ERCC6L: variants seen among roughly 807,000 people sequenced by gnomAD.
ERCC6L encodes DNA excision repair protein ERCC-6-like.
A neutral mutation model predicts 20.1 loss-of-function variants in ERCC6L; 7 were observed. The ratio of observed to expected loss-of-function variants is 0.35; its 90% CI spans 0.20 to 0.65. ERCC6L has a LOEUF of 0.65. Among genes scored for constraint, ERCC6L ranks in the 30% least tolerant of loss-of-function variants. The pLI is 0.69. For synonymous variants in ERCC6L, 278 were observed against 331.3 expected (o/e 0.84, Z 1.75); for missense variants, 592 against 892.4 (o/e 0.66, Z 4.29).
At chrX:72,216,928 T>C (rs1453436165) in intron 1 of ERCC6L, among the ~76,000 whole-genome samples, 1 of 112,332 alleles carries the variant, frequency 8.9e-6, no homozygotes. Flanking sequence ...TCAGTCAGGA[T>C]GTTAGCCACC....
chrX:72,219,996 AT>A (rs980783322), intron 1 of ERCC6L, among the ~76,000 whole-genome samples: 14 of 111,485 alleles, frequency 1.3e-4, no homozygotes, highest in Non-Finnish European at 9.4e-5. Flanking sequence ...TAGCTATGGG[AT>A]TTTTGTAGAT....
intron 1 of ERCC6L, among the ~76,000 whole-genome samples, chrX:72,228,110 T>C (rs1239260891): frequency 8.9e-6 from 1 of 112,034 alleles, no homozygotes; most frequent in African/African-American, 3.2e-5. Context: ...TCGGGACAAA[T>C]ACAGAATGTG....
intron 1 of ERCC6L, among the ~76,000 whole-genome samples, chrX:72,215,001 A>G (rs996061783): frequency 1.8e-5 from 2 of 111,805 alleles, no homozygotes; most frequent in African/African-American, 6.5e-5. Context: ...CAAACAAACA[A>G]ACAAAAAAAC....
At position 72,207,084 on chromosome X, in the gene ERCC6L, T is replaced by G; in HGVS notation, c.1683A>C (p.Ala561=). ...CTCTATCCACAGCTTGAGCATCAGT[T>G]GCAGGATTCCAGCTAGGGTCAAAAA... is the stretch of plus-strand genomic sequence containing the variant. The part of the protein sequence containing the change: ...VVIFDPSWNP[A]TDAQAVDRVY... Residue 561 remains alanine (A), a synonymous_variant, in exon 2 of 2, where the codon GCA becomes GCC. Transcript: ENST00000334463. 8.3e-7 allele frequency: 1 copy of G among 1,212,071 alleles called. No individual in the cohort carries two copies. Among genetic ancestry groups the G allele is most frequent in the Non-Finnish European group, 1.1e-6 (1 of 895,622 alleles).
At chrX:72,210,199 TAAAA>T (rs1406489422) in intron 1 of ERCC6L, among the ~76,000 whole-genome samples, 79 of 77,784 alleles carry the variant, frequency 1.0e-3, no homozygotes, top group South Asian at 6.8e-3. Context: ...GACTGTCTCT[TAAAA>T]AATAAATAAA....
chrX:72,218,237 TC>T, intron 1 of ERCC6L, among the ~76,000 whole-genome samples: 1 of 101,340 alleles, frequency 9.9e-6, no homozygotes, highest in East Asian at 3.2e-4. Flanking sequence ...ACCACTGCAC[TC>T]CAGCCTGGGC....
Position 72,206,621 on chromosome X carries a change from C to G in ERCC6L, c.2146G>C (p.Glu716Gln). ...FLVEFESQNK[E>Q]FLMEQQRTRN... Reference sequence around the variant, plus strand: ...GTTCTTTGTTGTTCCATCAGGAACTCTTTATTTTGAGACTCGAATTCAACG... The same window carrying G: ...GTTCTTTGTTGTTCCATCAGGAACTGTTTATTTTGAGACTCGAATTCAACG... Residue 716 changes from glutamate (E) to glutamine (Q), a missense_variant, in exon 2 of 2, where the codon GAG (glutamate) becomes CAG (glutamine). Around this residue, in one of 3 missense-constraint regions of ERCC6L, gnomAD observed 352 missense variants for 402.6 expected, o/e 0.87. Transcript: ENST00000334463. The G allele has an allele frequency of 2.5e-6, 3 of 1,211,283 alleles. No homozygotes were observed. Among genetic ancestry groups the G allele is most frequent in the Non-Finnish European group, 1.1e-6 (1 of 895,425 alleles).
rs200143714 is a variant in ERCC6L, at chrX:72,208,083, A to T, written c.684T>A (p.Asp228Glu). The stretch of plus-strand genomic sequence containing the variant: ...ATGAGGTTTTTATTTTATGTGCTTC[A>T]TCGAGGATGACATAGTCCCACACAA... ...QEFVWDYVIL[D>E]EAHKIKTSST... Residue 228 changes from aspartate (D) to glutamate (E), a missense_variant, in exon 2 of 2, where the codon GAT becomes GAA. Physicochemically the swap from Asp to Glu is conservative, Grantham distance 45. Around this residue, in one of 3 missense-constraint regions of ERCC6L, gnomAD observed 196 missense variants for 440.1 expected, o/e 0.45. Coordinates refer to ENST00000334463, the MANE Select transcript of ERCC6L (RefSeq NM_017669.4). 3 of 1,210,051 alleles carry T rather than the reference A, an allele frequency of 2.5e-6. No individual in the cohort carries two copies. The African/African-American group carries it at 5.2e-5, about 21-fold the overall frequency.
At chrX:72,229,802 G>A (rs1476948881) in intron 1 of ERCC6L, among the ~76,000 whole-genome samples, 1 of 111,757 alleles carries the variant, frequency 8.9e-6, no homozygotes. Flanking sequence ...GACTTGGATT[G>A]AGAGCAAGCA....
At chrX:72,226,663 C>T in intron 1 of ERCC6L, among the ~76,000 whole-genome samples, 1 of 111,044 alleles carries the variant, frequency 9.0e-6, no homozygotes, top group East Asian at 2.8e-4. Context: ...AATAGGAAAC[C>T]GTGAGGCTGA....
intron 1 of ERCC6L, among the ~76,000 whole-genome samples, chrX:72,210,451 C>T (rs772356163): frequency 6.3e-5 from 7 of 111,029 alleles, no homozygotes; most frequent in Admixed American, 1.9e-4. Context: ...CTTTGGAAAG[C>T]GGTCTTGATC....
At chrX:72,227,449 C>T (rs1437323026) in intron 1 of ERCC6L, among the ~76,000 whole-genome samples, 1 of 111,925 alleles carries the variant, frequency 8.9e-6, no homozygotes, top group Admixed American at 9.5e-5. Context: ...TTGCCTTTGG[C>T]CCTTCTAAAA....
rs375039338 is a variant in ERCC6L at position 72,238,882 on chromosome X, G to A, written c.30C>T (p.Ala10=). 6.6e-5 allele frequency: 79 copies of A among 1,196,100 alleles called. No individual in the cohort carries two copies. The East Asian group carries it at 2.2e-3, about 33-fold the overall frequency. MEASRRFPE[A]EALSPEQAAH... is the part of the protein sequence containing the mutation. ...CAGCCTGCTCTGGGCTCAAGGCCTCGGCTTCCGGAAACCTTCGGGATGCCT... is the reference window on the plus strand; with the variant it reads ...CAGCCTGCTCTGGGCTCAAGGCCTCAGCTTCCGGAAACCTTCGGGATGCCT... The change falls in exon 1 of 2, where the codon GCC becomes GCT. Residue 10 remains alanine, a synonymous_variant. Transcript: ENST00000334463.
At chrX:72,238,497 G>C (rs1481936991) in intron 1 of ERCC6L, among the ~76,000 whole-genome samples, 1 of 111,881 alleles carries the variant, frequency 8.9e-6, no homozygotes, top group Non-Finnish European at 1.9e-5. Flanking sequence ...CAAACAATTT[G>C]GGGGCGGGGA....
At chrX:72,210,206 T>A (rs1275531608) in intron 1 of ERCC6L, among the ~76,000 whole-genome samples, 6 of 66,318 alleles carry the variant, frequency 9.0e-5, no homozygotes, top group African/African-American at 2.6e-4. Context: ...TCTTAAAAAA[T>A]AAATAAATAA....
At chrX:72,233,811 G>A (rs926924802) in intron 1 of ERCC6L, among the ~76,000 whole-genome samples, 1 of 108,787 alleles carries the variant, frequency 9.2e-6, no homozygotes, top group Non-Finnish European at 1.9e-5. Flanking sequence ...TGGTGGTTTT[G>A]TAAGAATATG....
rs1569489748 is a variant in ERCC6L at position 72,206,372 on chromosome X, A to C, written c.2395T>G (p.Leu799Val). Residue 799 changes from leucine to valine, a missense_variant, in exon 2 of 2, where the codon TTG becomes GTG. Physicochemically the swap from Leu to Val is conservative, Grantham distance 32. Coordinates refer to ENST00000334463, the MANE Select transcript of ERCC6L (RefSeq NM_017669.4). ...CTACCTGTACCTTTACCATCTTGCA[A>C]GGTGGTAACATTCACCTTTATACTG... ...LSSIKVNVTT[L>V]QDGKGTGSAD... 5 of 1,210,279 alleles carry C rather than the reference A, an allele frequency of 4.1e-6. No homozygotes were observed. The East Asian group carries it at 1.5e-4, about 36-fold the overall frequency.
Position 72,238,847 on chromosome X carries a change from A to C in ERCC6L, c.65T>G (p.Leu22Arg). 1.7e-6 allele frequency: 2 copies of C among 1,190,356 alleles called. No homozygotes were observed. Among genetic ancestry groups the C allele is most frequent in the Non-Finnish European group, 2.3e-6 (2 of 884,552 alleles). ...ALSPEQAAHY[L>R]RYVKEAKEAT... ...CCGCCCAGCGGTCCAGACATACCTT[A>C]GGTAATGAGCAGCCTGCTCTGGGCT... Residue 22 changes from leucine to arginine, a missense_variant, in exon 1 of 2, where the codon CTA (leucine) becomes CGA (arginine). By Grantham distance (102) the Leu-to-Arg change is moderately radical. This residue lies in a region of ERCC6L where 44 missense variants were observed against 49.8 expected (regional missense o/e 0.88). Coordinates refer to ENST00000334463, the MANE Select transcript of ERCC6L (RefSeq NM_017669.4).
At chrX:72,234,879 C>T (rs2984351) in intron 1 of ERCC6L, among the ~76,000 whole-genome samples, 49,761 of 109,921 alleles carry the variant, frequency 0.45, 10,399 homozygotes, top group East Asian at 0.98. Flanking sequence ...AGCAAGAAGG[C>T]ATGAAACAGG....
Sources: allele counts gnomAD v4.1 joint callset (sites outside exome capture counted in the v4.1 genomes callset), GRCh38; gene constraint gnomAD v4.1.1; regional missense constraint gnomAD v4.1.1; transcripts MANE v1.5; gene names NCBI Gene and HGNC (gene_info 2026-07-23, HGNC 2026-07-21).